Variants in SFRP1 observed in about 807,000 individuals in gnomAD.
SFRP1 encodes secreted frizzled-related protein 1.
A neutral mutation model predicts 25.9 loss-of-function variants in SFRP1; 9 were observed. The observed-to-expected ratio is 0.35, with a 90% confidence interval of 0.21 to 0.61. The LOEUF (loss-of-function observed/expected upper bound fraction) is 0.61, where lower values mean the gene tolerates loss of function less well. Among genes scored for constraint, SFRP1 ranks in the 20% least tolerant of loss-of-function variants. The pLI is 0.78. For synonymous variants in SFRP1, 178 were observed against 174.0 expected (o/e 1.02, Z -0.18); for missense variants, 346 against 418.2 (o/e 0.83, Z 1.51).
intron 2 of SFRP1, among the ~76,000 whole-genome samples, chr8:41,301,590 G>A (rs546097464): frequency 4.6e-5 from 7 of 152,320 alleles, no homozygotes; most frequent in African/African-American, 1.2e-4. Context: ...AGAGCCCAGC[G>A]GCTGTGCATC....
intron 1 of SFRP1, among the ~76,000 whole-genome samples, chr8:41,306,005 A>C (rs1168030870): frequency 6.6e-6 from 1 of 152,248 alleles, no homozygotes; most frequent in Admixed American, 6.5e-5. Context: ...GCTGGCTCAT[A>C]CAACTTCACC....
At chr8:41,271,275 G>C (rs1417220031) in intron 2 of SFRP1, 2 of 154,080 alleles carry the variant, frequency 1.3e-5, no homozygotes, top group Non-Finnish European at 2.9e-5. Context: ...TCAAGGGCTG[G>C]CAAGTATTTA....
chr8:41,267,101 A>G (rs572815629), intron 2 of SFRP1, among the ~76,000 whole-genome samples: 1 of 152,346 alleles, frequency 6.6e-6, no homozygotes, highest in South Asian at 2.1e-4. Context: ...CTGGCAGATT[A>G]GAGCAAGTTC....
chr8:41,278,130 T>G (rs1563360951), intron 2 of SFRP1, among the ~76,000 whole-genome samples: 1 of 152,268 alleles, frequency 6.6e-6, no homozygotes, highest in East Asian at 1.9e-4. Context: ...CCACTGGAGC[T>G]CAGGTGGAAG....
chr8:41,288,222 G>T lies in SFRP1; in HGVS notation c.622+15239C>A, dbSNP rs573408018. On this transcript the variant is annotated intron_variant, in intron 2 of 2. Coordinates refer to ENST00000220772, the MANE Select transcript of SFRP1 (RefSeq NM_003012.5). Reference sequence around the variant, plus strand: ...AAAATAAAAAAATTAGCCAGTTGTTGTGGGACGTGCCTGTAATCCCAGCTA... The same window carrying T: ...AAAATAAAAAAATTAGCCAGTTGTTTTGGGACGTGCCTGTAATCCCAGCTA... 5.9e-5 allele frequency among the ~76,000 whole-genome samples: 9 copies of T among 152,132 alleles called. No homozygotes were observed. The South Asian group carries it at 1.7e-3, about 28-fold the overall frequency.
intron 1 of SFRP1, among the ~76,000 whole-genome samples, chr8:41,307,797 T>G (rs1274811654): frequency 6.6e-6 from 1 of 152,162 alleles, no homozygotes; most frequent in Non-Finnish European, 1.5e-5. Flanking sequence ...CTCGGGCCGG[T>G]CCCTCAGGCT....
At chr8:41,275,103 C>A (rs1803555401) in intron 2 of SFRP1, 1 of 398,520 alleles carries the variant, frequency 2.5e-6, no homozygotes, top group Non-Finnish European at 4.9e-6. Context: ...GGTTAGAATG[C>A]AAATTATTTA....
In SFRP1 at chr8:41,308,743, C is replaced by A. The variant is rs558728015; in HGVS notation, c.417G>T (p.Ser139=). 2.5e-6 allele frequency: 4 copies of A among 1,607,918 alleles called. No individual in the cohort carries two copies. The highest frequency in any genetic ancestry group is 2.7e-5 in the African/African-American group (2 of 74,770). Residue 139 remains serine, a synonymous_variant, in exon 1 of 3, where the codon TCG becomes TCT. Coordinates refer to ENST00000220772, the MANE Select transcript of SFRP1 (RefSeq NM_003012.5). ...CRWLCEAVRD[S]CEPVMQFFGF... is the part of the protein sequence containing the mutation. ...CGAAGAACTGCATGACCGGCTCGCACGAGTCGCGCACGGCCTCGCAGAGCC... is the reference window on the plus strand; with the variant it reads ...CGAAGAACTGCATGACCGGCTCGCAAGAGTCGCGCACGGCCTCGCAGAGCC...
At chr8:41,304,868 C>T (rs142438912) in intron 1 of SFRP1, among the ~76,000 whole-genome samples, 5 of 152,066 alleles carry the variant, frequency 3.3e-5, no homozygotes, top group African/African-American at 9.7e-5. Context: ...CCTCTCCCAC[C>T]TTTACTCTGC....
intron 2 of SFRP1, among the ~76,000 whole-genome samples, chr8:41,299,127 G>C (rs372852596): frequency 6.6e-6 from 1 of 151,514 alleles, no homozygotes; most frequent in South Asian, 2.1e-4. Context: ...GCACAAGAAG[G>C]CTGCTCAGAA....
intron 2 of SFRP1, among the ~76,000 whole-genome samples, chr8:41,275,746 AGACTGG>A (rs2117487785): frequency 6.6e-6 from 1 of 150,894 alleles, no homozygotes; most frequent in Non-Finnish European, 1.5e-5. Flanking sequence ...TCGTGATCCG[AGACTGG>A]CAAACTCTTT....
At chr8:41,278,306 C>T (rs764379203) in intron 2 of SFRP1, among the ~76,000 whole-genome samples, 1 of 152,188 alleles carries the variant, frequency 6.6e-6, no homozygotes, top group Admixed American at 6.5e-5. Context: ...GGAACGGACC[C>T]CAAGTGGAGA....
intron 2 of SFRP1, among the ~76,000 whole-genome samples, chr8:41,278,068 C>CT (rs775335278): frequency 6.6e-6 from 1 of 152,170 alleles, no homozygotes; most frequent in Non-Finnish European, 1.5e-5. Flanking sequence ...TTTAAGGACT[C>CT]TTTCTTGGAT....
At chr8:41,290,385 C>A (rs1023038506) in intron 2 of SFRP1, among the ~76,000 whole-genome samples, 4 of 152,224 alleles carry the variant, frequency 2.6e-5, no homozygotes, top group Non-Finnish European at 5.9e-5. Flanking sequence ...ATGCCATTCC[C>A]AGTGCAATGC....
chr8:41,265,117 C>CCCCCAA lies in SFRP1; in HGVS notation c.*49_*50insTTGGGG. On this transcript the variant is annotated 3_prime_UTR_variant, in exon 3 of 3. Transcript: ENST00000220772. Reference sequence around the variant, plus strand: ...ACCGGGTTCCCGGGGCACTGTCCCCCCCGCTCCCACCCCACCCGAGGCTCC... The same window carrying CCCCCAA: ...ACCGGGTTCCCGGGGCACTGTCCCCCCCCCAACCGCTCCCACCCCACCCGAGGCTCC... 2.1e-6 allele frequency: 1 copy of CCCCCAA among 471,992 alleles called. No individual in the cohort carries two copies. Among genetic ancestry groups the CCCCCAA allele is most frequent in the Non-Finnish European group, 4.1e-6 (1 of 245,700 alleles). 29.2% of individuals were successfully genotyped at this position (471,992 alleles called of 1,614,324 possible).
chr8:41,296,536 C>T (rs1295900088), intron 2 of SFRP1, among the ~76,000 whole-genome samples: 5 of 151,540 alleles, frequency 3.3e-5, no homozygotes, highest in Admixed American at 1.3e-4. Flanking sequence ...TTGGGGCTTC[C>T]AGCACATTTC....
chr8:41,278,524 C>T (rs574272441), intron 2 of SFRP1, among the ~76,000 whole-genome samples: 1 of 152,382 alleles, frequency 6.6e-6, no homozygotes, highest in East Asian at 1.9e-4. Context: ...CTGCATCTTC[C>T]TATTTCCTTT....
At position 41,308,994 on chromosome 8, in the gene SFRP1, G is replaced by A; in HGVS notation, c.166C>T (p.Pro56Ser). The change falls in exon 1 of 3, where the codon CCT becomes TCT. Residue 56 changes from proline to serine, a missense_variant. Transcript: ENST00000220772. ...YQSGRFYTKP[P>S]QCVDIPADLR... ...TCCGCGGGGATGTCCACGCACTGAG[G>A]TGGCTTGGTGTAGAAGCGCCCGCTC... The A allele has an allele frequency of 1.2e-6, 2 of 1,612,988 alleles. No homozygotes were observed. Among genetic ancestry groups the A allele is most frequent in the Non-Finnish European group, 8.5e-7 (1 of 1,179,948 alleles).
Position 41,309,073 on chromosome 8 carries a change from G to T in SFRP1, c.87C>A (p.Gly29=). The T allele has an allele frequency of 1.3e-6, 2 of 1,598,464 alleles. No individual in the cohort carries two copies. The highest frequency in any genetic ancestry group is 1.7e-6 in the Non-Finnish European group (2 of 1,178,350). Residue 29 remains glycine (G), a synonymous_variant, in exon 1 of 3, where the codon GGC becomes GGA. Coordinates refer to ENST00000220772, the MANE Select transcript of SFRP1 (RefSeq NM_003012.5). ...LALGAALLAV[G]SASEYDYVSF... is the part of the protein sequence containing the mutation. The stretch of plus-strand genomic sequence containing the variant: ...TCACGTAGTCGTACTCGCTGGCCGA[G>T]CCCACGGCCAGAAGCGCCGCGCCCA...
Sources: allele counts gnomAD v4.1 joint callset (sites outside exome capture counted in the v4.1 genomes callset), GRCh38; gene constraint gnomAD v4.1.1; transcripts MANE v1.5; gene names NCBI Gene and HGNC (gene_info 2026-07-23, HGNC 2026-07-21).